Variants in FRMD5 observed in about 807,000 individuals in gnomAD.
FRMD5 encodes the protein FERM domain containing 5.
A neutral mutation model predicts 69.0 loss-of-function variants in FRMD5; 20 were observed. The observed-to-expected ratio is 0.29, with a 90% CI of 0.20 to 0.42. The LOEUF is 0.42. Ranked by LOEUF, FRMD5 falls within the 10% of genes least tolerant of loss-of-function variation. The probability of loss-of-function intolerance (pLI) is 1.00; values close to 1 mark genes in which losing one functional copy is unlikely to be tolerated. For synonymous variants in FRMD5, 271 were observed against 260.1 expected (o/e 1.04, Z -0.40); for missense variants, 595 against 708.6 (o/e 0.84, Z 1.82).
intron 1 of FRMD5, among the ~76,000 whole-genome samples, chr15:44,119,104 C>T (rs971097001): frequency 6.6e-6 from 1 of 152,052 alleles, no homozygotes; most frequent in Non-Finnish European, 1.5e-5. Context: ...TACAGGTATG[C>T]ACCACCACAC....
intron 7 of FRMD5, among the ~76,000 whole-genome samples, chr15:43,900,649 G>A (rs1259609527): frequency 3.5e-5 from 5 of 143,310 alleles, no homozygotes; most frequent in East Asian, 2.0e-4. Context: ...ACAGAGTCTC[G>A]CTCTGTCACC....
intron 1 of FRMD5, among the ~76,000 whole-genome samples, chr15:44,086,758 G>C (rs1160039802): frequency 6.6e-6 from 1 of 152,122 alleles, no homozygotes; most frequent in Non-Finnish European, 1.5e-5. Flanking sequence ...CCTACTGATA[G>C]AGTACTTCCA....
intron 1 of FRMD5, among the ~76,000 whole-genome samples, chr15:43,929,753 A>G (rs1438451494): frequency 2.0e-5 from 3 of 152,196 alleles, no homozygotes; most frequent in Non-Finnish European, 4.4e-5. Flanking sequence ...AGAAACAGGC[A>G]CCAGGGATGG....
rs569753266 is a variant in FRMD5 at position 43,915,016 on chromosome 15, T to C, written c.329+4443A>G. Among the ~76,000 whole-genome samples the C allele has an allele frequency of 2.0e-5, 3 of 152,304 alleles. No homozygotes were observed. In the South Asian group the frequency reaches 6.2e-4, roughly 32 times the overall value. ...TGCTGGGATTACAGGCGTGAGCCAC[T>C]GCGCCCAGCCTGTGACTACCATTTT... On this transcript the variant is annotated intron_variant, in intron 4 of 13. Coordinates refer to ENST00000417257, the MANE Select transcript of FRMD5 (RefSeq NM_032892.5).
chr15:43,943,637 T>C (rs913136229), intron 1 of FRMD5, among the ~76,000 whole-genome samples: 15 of 152,122 alleles, frequency 9.9e-5, no homozygotes, highest in Admixed American at 2.0e-4. Flanking sequence ...TGAAGAGACA[T>C]AGACACACAC....
intron 1 of FRMD5, among the ~76,000 whole-genome samples, chr15:44,053,691 A>T (rs1892758096): frequency 6.6e-6 from 1 of 152,164 alleles, no homozygotes; most frequent in African/African-American, 2.4e-5. Context: ...TAAAGAAAAC[A>T]CTGTAAGAGG....
At chr15:44,106,119 G>T (rs1462831534) in intron 1 of FRMD5, among the ~76,000 whole-genome samples, 1 of 151,858 alleles carries the variant, frequency 6.6e-6, no homozygotes, top group Non-Finnish European at 1.5e-5. Context: ...ATGGCTGTAC[G>T]ATGTTTTAAA....
At chr15:43,939,988 C>T (rs2089834256) in intron 1 of FRMD5, among the ~76,000 whole-genome samples, 1 of 152,126 alleles carries the variant, frequency 6.6e-6, no homozygotes, top group African/African-American at 2.4e-5. Flanking sequence ...ACCAGCCTGG[C>T]CAACAGGGTG....
At chr15:43,909,805 A>G in intron 5 of FRMD5, 77 bp downstream of exon 5, 1 of 809,966 alleles carries the variant, frequency 1.2e-6, no homozygotes, top group Non-Finnish European at 2.1e-6. Flanking sequence ...TTCAAGAAGG[A>G]GTCATCAGTG....
At chr15:44,125,798 C>T (rs1245828152) in intron 1 of FRMD5, among the ~76,000 whole-genome samples, 1 of 152,178 alleles carries the variant, frequency 6.6e-6, no homozygotes. Flanking sequence ...GAATACAGCA[C>T]TCATCACCAA....
At chr15:43,999,961 T>TATATATATGCCATGC (rs1890123253) in intron 1 of FRMD5, among the ~76,000 whole-genome samples, 1 of 75,934 alleles carries the variant, frequency 1.3e-5, no homozygotes, top group African/African-American at 8.2e-5. Flanking sequence ...TGCATATATA[T>TATATATATGCCATGC]ATATATATAT....
At chr15:44,148,023 A>G (rs144332366) in intron 1 of FRMD5, among the ~76,000 whole-genome samples, 3 of 152,264 alleles carry the variant, frequency 2.0e-5, no homozygotes, top group African/African-American at 7.2e-5. Context: ...GTTCCCATTA[A>G]CACCTAACCA....
At chr15:43,940,092 A>G (rs1382432932) in intron 1 of FRMD5, among the ~76,000 whole-genome samples, 2 of 152,164 alleles carry the variant, frequency 1.3e-5, no homozygotes, top group Non-Finnish European at 2.9e-5. Flanking sequence ...AGAGACAATC[A>G]CTTGAACCTG....
chr15:44,027,923 C>T (rs912583160), intron 1 of FRMD5, among the ~76,000 whole-genome samples: 1 of 152,000 alleles, frequency 6.6e-6, no homozygotes, highest in African/African-American at 2.4e-5. Flanking sequence ...GGATTACAGG[C>T]ATGAGCCACC....
At chr15:43,949,793 A>G (rs1385940962) in intron 1 of FRMD5, among the ~76,000 whole-genome samples, 1 of 152,194 alleles carries the variant, frequency 6.6e-6, no homozygotes, top group Non-Finnish European at 1.5e-5. Context: ...TATCCAGGAA[A>G]ATACCCTGGA....
intron 1 of FRMD5, among the ~76,000 whole-genome samples, chr15:44,114,815 A>G (rs1250749048): frequency 6.6e-6 from 1 of 152,226 alleles, no homozygotes; most frequent in Admixed American, 6.5e-5. Flanking sequence ...GGATCAGGAA[A>G]GAAGCAATAA....
chr15:44,160,883 C>T (rs1307741602), intron 1 of FRMD5, among the ~76,000 whole-genome samples: 6 of 152,112 alleles, frequency 3.9e-5, no homozygotes, highest in Non-Finnish European at 7.4e-5. Flanking sequence ...GAATGCATAG[C>T]AACTTACTAG....
At chr15:43,944,062 T>C (rs1430687365) in intron 1 of FRMD5, among the ~76,000 whole-genome samples, 2 of 152,274 alleles carry the variant, frequency 1.3e-5, no homozygotes, top group Non-Finnish European at 2.9e-5. Context: ...CATCGGCCAC[T>C]GCCTTAGTCC....
chr15:44,143,926 A>AAAAC (rs1213275804), intron 1 of FRMD5, among the ~76,000 whole-genome samples: 1 of 148,850 alleles, frequency 6.7e-6, no homozygotes, highest in Non-Finnish European at 1.5e-5. Context: ...TCTGTCACCA[A>AAAAC]AAAAAAAAAA....
Sources: gnomAD v4.1 joint callset for allele counts (sites outside exome capture counted in the v4.1 genomes callset) on GRCh38, gnomAD v4.1.1 for gene constraint, MANE v1.5 for transcripts, NCBI Gene and HGNC (gene_info 2026-07-23, HGNC 2026-07-21) for gene names.